Variants in BEST3 observed in about 807,000 individuals in gnomAD.
BEST3 encodes bestrophin-3.
BEST3 carries 50 observed loss-of-function variants against 47.1 expected under a neutral mutation model. That is an observed-to-expected ratio of 1.06 (90% CI 0.85 to 1.34). The LOEUF (loss-of-function observed/expected upper bound fraction) is 1.34, where lower values mean the gene tolerates loss of function less well. Among genes scored for constraint, BEST3 ranks in the 40% most tolerant of loss-of-function variants. The probability of loss-of-function intolerance (pLI) is 0.00; values close to 1 mark genes in which losing one functional copy is unlikely to be tolerated. For synonymous variants in BEST3, 282 were observed against 298.8 expected (o/e 0.94, Z 0.58); for missense variants, 765 against 817.0 (o/e 0.94, Z 0.78).
At chr12:69,670,845 T>G (rs1362020339) in intron 9 of BEST3, among the ~76,000 whole-genome samples, 1 of 152,198 alleles carries the variant, frequency 6.6e-6, no homozygotes, top group Non-Finnish European at 1.5e-5. Flanking sequence ...TCTCTTTAAT[T>G]TACTTGGAAA....
At chr12:69,694,560 T>A in intron 2 of BEST3, 96 bp from the exon 3 acceptor site, 1 of 543,042 alleles carries the variant, frequency 1.8e-6, no homozygotes, top group South Asian at 4.3e-5. Context: ...GCACAAATAA[T>A]CTTTTATTTT....
chr12:69,658,048 A>T (rs545372624), intron 9 of BEST3, among the ~76,000 whole-genome samples: 2 of 152,214 alleles, frequency 1.3e-5, no homozygotes, highest in East Asian at 1.9e-4. Context: ...AGGGAGGAGG[A>T]CACCAGAGGA....
intron 4 of BEST3, chr12:69,684,042 A>AT (rs1316734659): frequency 1.3e-5 from 2 of 152,654 alleles, no homozygotes; most frequent in Non-Finnish European, 2.9e-5. Flanking sequence ...ATAGTTACTG[A>AT]TTTGCTACAG....
intron 9 of BEST3, among the ~76,000 whole-genome samples, chr12:69,665,826 T>C (rs769724039): frequency 2.2e-4 from 33 of 151,922 alleles, no homozygotes; most frequent in Admixed American, 5.2e-4. Flanking sequence ...ATTATATGCG[T>C]TTTGGGTTTG....
chr12:69,697,985 T>C (rs1055543246), intron 1 of BEST3, among the ~76,000 whole-genome samples, 172 bp from the exon 2 acceptor site: 38 of 152,356 alleles, frequency 2.5e-4, no homozygotes, highest in African/African-American at 9.1e-4. Flanking sequence ...TATCTCAGTT[T>C]AGCAGAAAGC....
At chr12:69,651,604 C>T (rs1042191129), downstream of BEST3, among the ~76,000 whole-genome samples, 1 of 151,912 alleles carries the variant, frequency 6.6e-6, no homozygotes, top group Admixed American at 6.6e-5. Context: ...GAAACCCTGT[C>T]TCTACTAAAA....
intron 9 of BEST3, among the ~76,000 whole-genome samples, chr12:69,662,523 A>G (rs1162001433): frequency 6.6e-6 from 1 of 152,218 alleles, no homozygotes; most frequent in Non-Finnish European, 1.5e-5. Context: ...TTTTGTGCAC[A>G]TTAAGTACAT....
downstream of BEST3, among the ~76,000 whole-genome samples, chr12:69,651,909 C>T (rs1426922435): frequency 6.6e-6 from 1 of 151,930 alleles, no homozygotes; most frequent in Non-Finnish European, 1.5e-5. Context: ...ACTTTCATGG[C>T]AAATTTTACA....
chr12:69,674,912 T>C (rs1379576799), intron 7 of BEST3, among the ~76,000 whole-genome samples: 1 of 125,238 alleles, frequency 8.0e-6, no homozygotes, highest in African/African-American at 2.9e-5. Context: ...TTTTTTTTTT[T>C]TGGAGACAGA....
chr12:69,684,786 C>T (rs555088295), intron 4 of BEST3, among the ~76,000 whole-genome samples: 96 of 152,264 alleles, frequency 6.3e-4, no homozygotes, highest in African/African-American at 2.1e-3. Flanking sequence ...GTTTAGAAAT[C>T]CCTGTCAATT....
chr12:69,694,169 A>G (rs1451159894), intron 3 of BEST3: 1 of 571,406 alleles, frequency 1.8e-6, no homozygotes, highest in African/African-American at 1.9e-5. Context: ...GTCCAATAGC[A>G]GATTATTTCC....
intron 9 of BEST3, among the ~76,000 whole-genome samples, chr12:69,670,892 C>T (rs1884528195): frequency 6.6e-6 from 1 of 152,168 alleles, no homozygotes; most frequent in Non-Finnish European, 1.5e-5. Context: ...ACTTAAACTT[C>T]TCCCACATTC....
chr12:69,655,464 G>A lies in BEST3; in HGVS notation c.1450C>T (p.Leu484=). ...ETSQTSTLQS[L]TPQSSVRTSP... ...GTTCTCACACTGGACTGTGGGGTCA[G>A]GCTCTGTAAAGTGCTTGTCTGGCTG... Residue 484 remains leucine, a synonymous_variant, in exon 10 of 10, where the codon CTG becomes TTG. Transcript: ENST00000330891. 1 of 1,614,146 alleles carries A rather than the reference G, an allele frequency of 6.2e-7. No individual in the cohort carries two copies. The highest frequency in any genetic ancestry group is 8.5e-7 in the Non-Finnish European group (1 of 1,180,030).
At chr12:69,647,389 A>G (rs910034360) in intron 9 of BEST3, among the ~76,000 whole-genome samples, 6 of 152,188 alleles carry the variant, frequency 3.9e-5, no homozygotes, top group African/African-American at 1.4e-4. Flanking sequence ...GAAAGGGGAA[A>G]CGTCACCACT....
At chr12:69,674,570 C>G (rs1884785008) in intron 7 of BEST3, among the ~76,000 whole-genome samples, 1 of 152,188 alleles carries the variant, frequency 6.6e-6, no homozygotes, top group African/African-American at 2.4e-5. Flanking sequence ...TGGAGATTTA[C>G]TTAGATTAAT....
intron 9 of BEST3, among the ~76,000 whole-genome samples, chr12:69,647,547 A>G (rs1883077410): frequency 6.6e-6 from 1 of 152,172 alleles, no homozygotes. Context: ...TCTAATTTGC[A>G]AAAAATATGT....
At chr12:69,656,288 A>G (rs927963330) in intron 9 of BEST3, among the ~76,000 whole-genome samples, 6 of 152,124 alleles carry the variant, frequency 3.9e-5, no homozygotes, top group African/African-American at 1.4e-4. Flanking sequence ...ATCCCCAGAT[A>G]TCCCCAGACT....
intron 2 of BEST3, 139 bp downstream of exon 2, chr12:69,697,508 G>C: frequency 1.6e-6 from 1 of 612,778 alleles, no homozygotes; most frequent in Admixed American, 3.5e-5. Flanking sequence ...GTCCTGAGGG[G>C]AAGAAGACAA....
In BEST3 at chr12:69,697,920, A is replaced by G. The variant is rs79832016; in HGVS notation, c.-15-107T>C. 1,413 of 827,218 alleles carry G rather than the reference A, an allele frequency of 1.7e-3. 15 individuals are homozygous for G. In the African/African-American group the frequency reaches 0.022, roughly 13 times the overall value. The allele number at this position is 827,218 out of a possible 1,614,324, so 51.2% of individuals were successfully genotyped here. A position where few individuals can be genotyped will look rare whatever the true frequency, so the allele number is the denominator to read the frequency against. On this transcript the variant is annotated intron_variant, in intron 1 of 9. Coordinates refer to ENST00000330891, the MANE Select transcript of BEST3 (RefSeq NM_032735.3). Reference sequence around the variant, plus strand: ...AATTCAAGCCAGCAACTAGTCAGCCATATCTCTGTTTTGTCTTTCTTAGTT... The same window carrying G: ...AATTCAAGCCAGCAACTAGTCAGCCGTATCTCTGTTTTGTCTTTCTTAGTT...
Sources: allele counts gnomAD v4.1 joint callset (sites outside exome capture counted in the v4.1 genomes callset), GRCh38; gene constraint gnomAD v4.1.1; transcripts MANE v1.5; gene names NCBI Gene and HGNC (gene_info 2026-07-23, HGNC 2026-07-21).